The following DEPDC5 variants were observed in gnomAD, a reference collection of about 807,000 sequenced individuals.
DEPDC5 encodes GATOR1 complex protein DEPDC5.
A neutral mutation model predicts 217.3 loss-of-function variants in DEPDC5; 73 were observed. The observed-to-expected ratio is 0.34, with a 90% CI of 0.28 to 0.41. The LOEUF is 0.41. Ranked by LOEUF, DEPDC5 falls within the 10% of genes least tolerant of loss-of-function variation. DEPDC5 has a pLI of 1.00. For missense variants in DEPDC5, 1,675 were observed against 2,070.1 expected, an observed-to-expected ratio of 0.81 and a Z score of 3.70; for synonymous variants, 733 against 756.7, an observed-to-expected ratio of 0.97 and a Z score of 0.51.
At chr22:31,883,146 T>C (rs1004725316) in intron 38 of DEPDC5, among the ~76,000 whole-genome samples, 1 of 152,136 alleles carries the variant, frequency 6.6e-6, no homozygotes, top group Admixed American at 6.5e-5. Flanking sequence ...CCCAGTGTGA[T>C]AAAATGTCTC....
At chr22:31,841,307 C>T (rs1297179056) in intron 27 of DEPDC5, among the ~76,000 whole-genome samples, 1 of 152,236 alleles carries the variant, frequency 6.6e-6, no homozygotes, top group South Asian at 2.1e-4. Context: ...CTGCTGTCCT[C>T]CTCTCTCCTC....
intron 29 of DEPDC5, chr22:31,844,743 A>G: frequency 6.5e-6 from 1 of 154,886 alleles, no homozygotes; most frequent in Non-Finnish European, 1.1e-5. Flanking sequence ...CAAGGTGGAG[A>G]TGGGGTCTCG....
intron 32 of DEPDC5, among the ~76,000 whole-genome samples, chr22:31,860,812 C>T (rs1263744346): frequency 4.5e-5 from 3 of 66,908 alleles, no homozygotes; most frequent in African/African-American, 3.9e-4. Flanking sequence ...CATCTGGCTG[C>T]CCATGTTTAG....
intron 36 of DEPDC5, chr22:31,875,340 T>C (rs1308020933): frequency 1.8e-5 from 3 of 163,156 alleles, no homozygotes; most frequent in Non-Finnish European, 2.9e-5. Context: ...CATGGATAAA[T>C]GTCAGAAGCA....
At chr22:31,762,300 C>G (rs926922560) in intron 4 of DEPDC5, among the ~76,000 whole-genome samples, 1 of 152,178 alleles carries the variant, frequency 6.6e-6, no homozygotes, top group Non-Finnish European at 1.5e-5. Flanking sequence ...ACAGTCTAGG[C>G]GTAGCCAGAA....
intron 38 of DEPDC5, among the ~76,000 whole-genome samples, chr22:31,886,964 TCCC>T (rs2093330692): frequency 6.6e-6 from 1 of 151,538 alleles, no homozygotes; most frequent in Non-Finnish European, 1.5e-5. Flanking sequence ...GTGCCTGTAA[TCCC>T]AGCTACTCGG....
chr22:31,804,030 C>T (rs1214865020), intron 15 of DEPDC5, 132 bp from the exon 16 acceptor site: 1 of 788,256 alleles, frequency 1.3e-6, no homozygotes, highest in Non-Finnish European at 2.1e-6. Flanking sequence ...ATAGGCAGCA[C>T]TATGAGGTTA....
chr22:31,862,663 A>C (rs2092557333), intron 33 of DEPDC5, among the ~76,000 whole-genome samples: 1 of 152,218 alleles, frequency 6.6e-6, no homozygotes, highest in Non-Finnish European at 1.5e-5. Context: ...CTGAGCTCTT[A>C]TATCATTCTG....
At chr22:31,811,271 T>C (rs1214854333) in intron 20 of DEPDC5, among the ~76,000 whole-genome samples, 2 of 152,200 alleles carry the variant, frequency 1.3e-5, no homozygotes, top group East Asian at 3.9e-4. Context: ...GGTTTCGCCA[T>C]GGTGGCCAGG....
chr22:31,843,991 C>T (rs1163907472), intron 29 of DEPDC5, among the ~76,000 whole-genome samples, 179 bp downstream of exon 29: 1 of 151,788 alleles, frequency 6.6e-6, no homozygotes, highest in Non-Finnish European at 1.5e-5. Flanking sequence ...TTTGGGAGGC[C>T]GAGGTTGGCA....
In DEPDC5 at chr22:31,843,757, T is replaced by C. The variant is rs1421112291; in HGVS notation, c.2746T>C (p.Tyr916His). 6.2e-7 allele frequency: 1 copy of C among 1,613,842 alleles called. No homozygotes were observed. Among genetic ancestry groups the C allele is most frequent in the Admixed American group, 1.7e-5 (1 of 59,994 alleles). The change falls in exon 29 of 43, where the codon TAC (tyrosine) becomes CAC (histidine). Residue 916 changes from tyrosine to histidine, a missense_variant. By Grantham distance (83) the Tyr-to-His change is moderately conservative. Transcript: ENST00000651528. ...ATTCTCCCACGAACGGCTGGAGGAG[T>C]ACAAGTGGAATTACTTAGATCAGTA... Reference protein sequence around the residue: ...VEFSHERLEEYKWNYLDQYIC... With the variant: ...VEFSHERLEEHKWNYLDQYIC...
intron 2 of DEPDC5, among the ~76,000 whole-genome samples, chr22:31,757,945 G>T (rs1313253998): frequency 6.6e-5 from 10 of 152,134 alleles, no homozygotes; most frequent in African/African-American, 2.4e-4. Context: ...TGTATTTTTA[G>T]TAGAGACGGG....
chr22:31,871,649 G>A (rs1411969951), intron 34 of DEPDC5, among the ~76,000 whole-genome samples: 1 of 152,174 alleles, frequency 6.6e-6, no homozygotes, highest in Non-Finnish European at 1.5e-5. Context: ...CCAATGCATA[G>A]AAAAAATCTG....
chr22:31,771,780 CAGTT>C (rs1288868282), intron 7 of DEPDC5, among the ~76,000 whole-genome samples: 1 of 135,586 alleles, frequency 7.4e-6, no homozygotes. Flanking sequence ...CACACACACA[CAGTT>C]AGGACTAGGT....
intron 10 of DEPDC5, among the ~76,000 whole-genome samples, chr22:31,786,391 A>C (rs1309954845): frequency 1.3e-5 from 2 of 151,556 alleles, no homozygotes; most frequent in African/African-American, 4.9e-5. Flanking sequence ...TTGTCTCCAC[A>C]AAAAATACAA....
Position 31,845,248 on chromosome 22 carries a change from C to G in DEPDC5, c.3021+11C>G. 6.2e-7 allele frequency: 1 copy of G among 1,610,536 alleles called. No homozygotes were observed. The highest frequency in any genetic ancestry group is 8.5e-7 in the Non-Finnish European group (1 of 1,178,402). ...GATCGCATGATGCGGGTAAGGGCTC[C>G]TTAGACTCAGGGAGTGCGCCTGGTG... is the stretch of plus-strand genomic sequence containing the variant. On this transcript the variant is annotated intron_variant, in intron 30 of 42. Coordinates refer to ENST00000651528, the MANE Select transcript of DEPDC5 (RefSeq NM_001242896.3).
rs1482687648 is a variant in DEPDC5 at position 31,758,022 on chromosome 22, T to A, written c.59-524T>A. Among the ~76,000 whole-genome samples the A allele has an allele frequency of 2.0e-5, 3 of 152,110 alleles. No individual in the cohort carries two copies. The East Asian group carries it at 5.8e-4, about 29-fold the overall frequency. Reference sequence around the variant, plus strand: ...CAGGTGATCTGTCCATCTCGGCCTCTCAAAGTATTGGGATTACAGGCATGA... The same window carrying A: ...CAGGTGATCTGTCCATCTCGGCCTCACAAAGTATTGGGATTACAGGCATGA... On this transcript the variant is annotated intron_variant, in intron 2 of 42. Transcript: ENST00000651528.
intron 4 of DEPDC5, among the ~76,000 whole-genome samples, chr22:31,763,452 C>G (rs1051410992): frequency 2.7e-5 from 4 of 150,858 alleles, no homozygotes; most frequent in African/African-American, 9.8e-5. Flanking sequence ...TTCTTTTTCC[C>G]TTTCAGACAG....
At chr22:31,882,608 G>A (rs952761648) in intron 38 of DEPDC5, among the ~76,000 whole-genome samples, 9 of 152,170 alleles carry the variant, frequency 5.9e-5, no homozygotes, top group African/African-American at 2.2e-4. Context: ...TAAGACCCCA[G>A]ATTAGAAGCA....
Sources: allele counts gnomAD v4.1 joint callset (sites outside exome capture counted in the v4.1 genomes callset), GRCh38; gene constraint gnomAD v4.1.1; transcripts MANE v1.5; gene names NCBI Gene and HGNC (gene_info 2026-07-23, HGNC 2026-07-21).